KLHL32: variants seen among roughly 807,000 people sequenced by gnomAD.
KLHL32 encodes kelch-like protein 32.
In KLHL32, 35 loss-of-function variants were observed where a neutral mutation model predicts 64.8. The observed-to-expected ratio is 0.54, with a 90% confidence interval of 0.41 to 0.72. The LOEUF (loss-of-function observed/expected upper bound fraction) is 0.72, where lower values mean the gene tolerates loss of function less well. Among genes scored for constraint, KLHL32 ranks in the 30% least tolerant of loss-of-function variants. The pLI is 0.00. For missense variants in KLHL32, 589 were observed against 768.5 expected (o/e 0.77, Z 2.76); for synonymous variants, 259 against 281.0 (o/e 0.92, Z 0.78).
intron 6 of KLHL32, among the ~76,000 whole-genome samples, chr6:97,091,281 T>G (rs1305976314): frequency 6.6e-6 from 1 of 152,200 alleles, no homozygotes; most frequent in Non-Finnish European, 1.5e-5. Flanking sequence ...GTAGTGCCCA[T>G]GGATTGAACA....
intron 3 of KLHL32, among the ~76,000 whole-genome samples, chr6:97,030,568 C>G (rs1364502559): frequency 6.6e-6 from 1 of 152,176 alleles, no homozygotes. Context: ...CGAGGCTCTC[C>G]CAAAGACAAA....
intron 4 of KLHL32, among the ~76,000 whole-genome samples, chr6:97,055,361 C>G (rs1251123230): frequency 6.6e-6 from 1 of 152,146 alleles, no homozygotes; most frequent in African/African-American, 2.4e-5. Flanking sequence ...GGAGGGGTAT[C>G]CCTGAACTGT....
chr6:97,057,439 C>T lies in KLHL32; in HGVS notation c.313-7189C>T, dbSNP rs1371116548. Among the ~76,000 whole-genome samples, 4 of 89,262 alleles carry T rather than the reference C, an allele frequency of 4.5e-5. 1 individual carries two copies. Among genetic ancestry groups the T allele is most frequent in the African/African-American group, 2.9e-4 (4 of 13,946 alleles). The allele number at this position is 89,262 out of a possible 152,430, so 58.6% of individuals were successfully genotyped here. ...CCTCGTGATCCGCCCGTCTCGGCCT[C>T]CCAAAGTGCTGGGATTACAGGCGTG... On this transcript the variant is annotated intron_variant, in intron 4 of 10. Transcript: ENST00000369261.
At chr6:97,128,871 T>C (rs1461671070) in intron 8 of KLHL32, among the ~76,000 whole-genome samples, 3 of 152,234 alleles carry the variant, frequency 2.0e-5, no homozygotes, top group Admixed American at 6.5e-5. Context: ...ATGGCGTCCA[T>C]AGTCTGGTGG....
chr6:97,096,801 G>C (rs961657475), intron 6 of KLHL32, among the ~76,000 whole-genome samples: 1 of 152,280 alleles, frequency 6.6e-6, no homozygotes, highest in Non-Finnish European at 1.5e-5. Flanking sequence ...AAGGATTTTG[G>C]GGCAAAGGAA....
intron 5 of KLHL32, among the ~76,000 whole-genome samples, chr6:97,067,995 G>A (rs1280161538): frequency 1.5e-5 from 2 of 129,718 alleles, no homozygotes. Context: ...TAGGAATGGG[G>A]AAAACTTCAT....
intron 7 of KLHL32, among the ~76,000 whole-genome samples, chr6:97,124,035 A>C (rs1798634667): frequency 6.6e-6 from 1 of 152,238 alleles, no homozygotes; most frequent in Admixed American, 6.5e-5. Flanking sequence ...GTAATGATAA[A>C]GCCCTGCAAA....
chr6:97,138,066 A>C (rs993928223), intron 10 of KLHL32, among the ~76,000 whole-genome samples: 3 of 152,196 alleles, frequency 2.0e-5, no homozygotes, highest in African/African-American at 7.2e-5. Context: ...ATGTTTAAAT[A>C]GTTAGAGAAA....
At chr6:97,098,005 G>T (rs1375750415) in intron 6 of KLHL32, among the ~76,000 whole-genome samples, 1 of 152,142 alleles carries the variant, frequency 6.6e-6, no homozygotes, top group Non-Finnish European at 1.5e-5. Flanking sequence ...CCTCCTTCTT[G>T]GCAAACATAG....
upstream of KLHL32, among the ~76,000 whole-genome samples, chr6:96,920,917 A>G (rs1487618047): frequency 6.6e-6 from 1 of 152,196 alleles, no homozygotes; most frequent in Non-Finnish European, 1.5e-5. Context: ...AATTGGAATT[A>G]CTGGACCAAA....
At chr6:96,920,561 C>A (rs1768720602), upstream of KLHL32, among the ~76,000 whole-genome samples, 1 of 151,998 alleles carries the variant, frequency 6.6e-6, no homozygotes, top group Admixed American at 6.5e-5. Flanking sequence ...AATGGAAAAA[C>A]ACACACAATT....
chr6:97,060,931 G>A (rs1235290101), intron 4 of KLHL32, among the ~76,000 whole-genome samples: 1 of 152,112 alleles, frequency 6.6e-6, no homozygotes, highest in Non-Finnish European at 1.5e-5. Context: ...ATGGGAATCA[G>A]TCGTGGCCCT....
chr6:96,971,034 T>G (rs1196490783), intron 2 of KLHL32, among the ~76,000 whole-genome samples: 1 of 152,182 alleles, frequency 6.6e-6, no homozygotes, highest in Non-Finnish European at 1.5e-5. Context: ...GTTAGATTTT[T>G]TTTTGTCCAG....
At chr6:96,929,687 T>C (rs1769606284) in intron 1 of KLHL32, among the ~76,000 whole-genome samples, 2 of 152,228 alleles carry the variant, frequency 1.3e-5, no homozygotes, top group Non-Finnish European at 2.9e-5. Flanking sequence ...TTTTGTTCTT[T>C]CCCTATTTCG....
chr6:97,138,943 A>T lies in KLHL32; in HGVS notation c.1702-178A>T, dbSNP rs536584905. ...ATCCAAAAACATACTAACATAGTGTAGCATTTAGTAGGAGCTTAATAAATA... is the reference window on the plus strand; with the variant it reads ...ATCCAAAAACATACTAACATAGTGTTGCATTTAGTAGGAGCTTAATAAATA... On this transcript the variant is annotated intron_variant, in intron 10 of 10. Coordinates refer to ENST00000369261, the MANE Select transcript of KLHL32 (RefSeq NM_052904.4). 3.9e-5 allele frequency among the ~76,000 whole-genome samples: 6 copies of T among 152,380 alleles called. No individual in the cohort carries two copies. In the South Asian group the frequency reaches 1.2e-3, roughly 32 times the overall value.
Position 96,932,564 on chromosome 6 carries a change from TCC to T in KLHL32, c.-66+7548_-66+7549del, listed in dbSNP as rs34910862. 5.8e-4 allele frequency among the ~76,000 whole-genome samples: 66 copies of T among 114,314 alleles called. 1 individual carries two copies. The highest frequency in any genetic ancestry group is 4.7e-3 in the Middle Eastern group (1 of 212). 75.0% of individuals were successfully genotyped at this position (114,314 alleles called of 152,430 possible). A position where few individuals can be genotyped will look rare whatever the true frequency, so the allele number is the denominator to read the frequency against. On this transcript the variant is annotated intron_variant, in intron 1 of 10. Coordinates refer to ENST00000369261, the MANE Select transcript of KLHL32 (RefSeq NM_052904.4). ...GTACTGTTTCACAAAGTTGTCAATT[TCC>T]CCCCCCCCCTTTTTTTTTTTGAGAC...
At chr6:97,088,877 T>C (rs929320759) in intron 6 of KLHL32, among the ~76,000 whole-genome samples, 1 of 152,242 alleles carries the variant, frequency 6.6e-6, no homozygotes, top group African/African-American at 2.4e-5. Context: ...TCTGTTTTCT[T>C]TTCAGGAACA....
In KLHL32 at chr6:96,942,654, G is replaced by GGTGTGTGTGT. The variant is rs373680196; in HGVS notation, c.-66+17656_-66+17665dup. Among the ~76,000 whole-genome samples the GGTGTGTGTGT allele has an allele frequency of 4.6e-3, 659 of 144,308 alleles. 10 individuals are homozygous for GGTGTGTGTGT. Among genetic ancestry groups the GGTGTGTGTGT allele is most frequent in the African/African-American group, 0.013 (501 of 38,384 alleles). 94.7% of individuals were successfully genotyped at this position (144,308 alleles called of 152,430 possible). ...TAACAGTGACTTGCTACAGCTGTGG[G>GGTGTGTGTGT]GTGTGTGTGTGTGTGTGTGTGTGTG... On this transcript the variant is annotated intron_variant, in intron 1 of 10. Transcript: ENST00000369261.
intron 7 of KLHL32, among the ~76,000 whole-genome samples, chr6:97,114,910 GTAT>G (rs1206435876): frequency 2.0e-5 from 3 of 152,180 alleles, no homozygotes; most frequent in African/African-American, 7.2e-5. Flanking sequence ...GGCAAGAGAA[GTAT>G]AAGCCCAGTT....
Sources: gnomAD v4.1 joint callset for allele counts (sites outside exome capture counted in the v4.1 genomes callset) on GRCh38, gnomAD v4.1.1 for gene constraint, MANE v1.5 for transcripts, NCBI Gene and HGNC (gene_info 2026-07-23, HGNC 2026-07-21) for gene names.